The following TECTA variants were observed in gnomAD, a reference collection of about 807,000 sequenced individuals.
The protein encoded by TECTA is alpha-tectorin.
TECTA carries 128 observed loss-of-function variants against 216.8 expected under a neutral mutation model. The ratio of observed to expected loss-of-function variants is 0.59; its 90% CI spans 0.51 to 0.68. The LOEUF is 0.68. Ranked by LOEUF, TECTA falls within the 30% of genes least tolerant of loss-of-function variation. The pLI, the probability that TECTA is intolerant of heterozygous loss-of-function variation, is 0.00. For missense variants in TECTA, 2,551 were observed against 2,786.2 expected (o/e 0.92, Z 1.90); for synonymous variants, 1,089 against 1,117.1 (o/e 0.97, Z 0.50).
chr11:121,172,271 C>T (rs997756197), intron 20 of TECTA, among the ~76,000 whole-genome samples: 15 of 152,010 alleles, frequency 9.9e-5, no homozygotes, highest in Admixed American at 9.8e-4. Context: ...ATGTGCCATG[C>T]TGGTGTGCTG....
intron 6 of TECTA, among the ~76,000 whole-genome samples, chr11:121,116,003 C>A (rs1291841833): frequency 3.3e-5 from 5 of 152,186 alleles, no homozygotes; most frequent in Admixed American, 6.5e-5. Flanking sequence ...TGGTCTGACA[C>A]ACCTGTGCCC....
chr11:121,106,162 C>A (rs1231739506), intron 3 of TECTA, among the ~76,000 whole-genome samples, 198 bp downstream of exon 3: 1 of 152,088 alleles, frequency 6.6e-6, no homozygotes, highest in African/African-American at 2.4e-5. Context: ...GGCTAATGTT[C>A]ATAGTGGAGG....
At position 121,125,770 on chromosome 11, in the gene TECTA, A is replaced by C. The variant is rs1244617357; in HGVS notation, c.1672A>C (p.Arg558=). The change falls in exon 8 of 24, where the codon AGG becomes CGG. Residue 558 remains arginine, a synonymous_variant. Coordinates refer to ENST00000392793, the MANE Select transcript of TECTA (RefSeq NM_005422.4). ...CTGCGTGTATGACCTGTGCAGTGTG[A>C]GGGACAATGGCACGCTCCTCTGCCA... ...HSCVYDLCSV[R]DNGTLLCQAI... The C allele has an allele frequency of 6.2e-7, 1 of 1,614,136 alleles. No homozygotes were observed. Among genetic ancestry groups the C allele is most frequent in the Non-Finnish European group, 8.5e-7 (1 of 1,180,040 alleles).
At position 121,168,128 on chromosome 11, in the gene TECTA, C is replaced by T. The variant is rs1213163445; in HGVS notation, c.5661C>T (p.Thr1887=). 6.2e-7 allele frequency: 1 copy of T among 1,614,058 alleles called. No homozygotes were observed. Among genetic ancestry groups the T allele is most frequent in the East Asian group, 2.2e-5 (1 of 44,902 alleles). ...CCAACAACACTGGCAACATCATCACCAGGGACCGCACGATCAATGTGGAAT... is the reference window on the plus strand; with the variant it reads ...CCAACAACACTGGCAACATCATCACTAGGGACCGCACGATCAATGTGGAAT... ...ESANNTGNII[T]RDRTINVEFS... is the part of the protein sequence containing the mutation. Residue 1887 remains threonine (T), a synonymous_variant, in exon 19 of 24, where the codon ACC becomes ACT. Coordinates refer to ENST00000392793, the MANE Select transcript of TECTA (RefSeq NM_005422.4).
chr11:121,107,968 T>C (rs1946405804), intron 3 of TECTA, among the ~76,000 whole-genome samples: 1 of 152,156 alleles, frequency 6.6e-6, no homozygotes, highest in Admixed American at 6.5e-5. Context: ...GTCTTAACCT[T>C]GTCCTTGCTC....
intron 20 of TECTA, among the ~76,000 whole-genome samples, chr11:121,187,256 C>A (rs529824676): frequency 6.6e-6 from 1 of 151,622 alleles, no homozygotes; most frequent in Admixed American, 6.6e-5. Context: ...TGAGATATGT[C>A]TTGGCTGGGG....
rs140813403 is a variant in TECTA at position 121,174,877 on chromosome 11, C to A, written c.5999+5952C>A. 5.5e-3 allele frequency among the ~76,000 whole-genome samples: 838 copies of A among 152,264 alleles called. 11 individuals are homozygous for A. The highest frequency in any genetic ancestry group is 0.019 in the African/African-American group (799 of 41,552). Reference sequence around the variant, plus strand: ...ATTTCCACAATTTCAGAGCCTGTTACTGATCTGTTCAGAGATCCAACTTCT... The same window carrying A: ...ATTTCCACAATTTCAGAGCCTGTTAATGATCTGTTCAGAGATCCAACTTCT... On this transcript the variant is annotated intron_variant, in intron 20 of 23. Coordinates refer to ENST00000392793, the MANE Select transcript of TECTA (RefSeq NM_005422.4).
Position 121,113,562 on chromosome 11 carries a change from A to C in TECTA, c.634A>C (p.Asn212His), listed in dbSNP as rs1408540005. Residue 212 changes from asparagine (N) to histidine (H), a missense_variant, in exon 6 of 24, where the codon AAT (asparagine) becomes CAT (histidine). Coordinates refer to ENST00000392793, the MANE Select transcript of TECTA (RefSeq NM_005422.4). The surrounding 1 kb of genome is among the most constrained non-coding windows in gnomAD (Gnocchi z 4.2). Reference sequence around the variant, plus strand: ...TCCTTTTGTGCTGCAGGCAGGATTTAATGGTGGAAACCTCACCAATTTCTT... The same window carrying C: ...TCCTTTTGTGCTGCAGGCAGGATTTCATGGTGGAAACCTCACCAATTTCTT... The part of the protein sequence containing the change: ...LGGVMAQAGF[N>H]GGNLTNFFSL... 6.2e-7 allele frequency: 1 copy of C among 1,614,020 alleles called. No homozygotes were observed. Among genetic ancestry groups the C allele is most frequent in the Admixed American group, 1.7e-5 (1 of 60,020 alleles).
At chr11:121,167,771 C>T (rs1003756019) in intron 18 of TECTA, among the ~76,000 whole-genome samples, 1 of 152,138 alleles carries the variant, frequency 6.6e-6, no homozygotes, top group South Asian at 2.1e-4. Flanking sequence ...GCTTGGGGTC[C>T]CACAGATAAG....
chr11:121,156,285 C>G (rs959690258), intron 13 of TECTA, among the ~76,000 whole-genome samples: 2 of 152,176 alleles, frequency 1.3e-5, no homozygotes, highest in Non-Finnish European at 2.9e-5. Flanking sequence ...AGCGGTCCTC[C>G]CACCTCAGCC....
chr11:121,172,925 T>G, intron 20 of TECTA, among the ~76,000 whole-genome samples: 1 of 149,692 alleles, frequency 6.7e-6, no homozygotes, highest in Non-Finnish European at 1.5e-5. Flanking sequence ...TGATTTGCAT[T>G]TCTCTGATGG....
intron 20 of TECTA, among the ~76,000 whole-genome samples, chr11:121,177,275 T>C (rs1284846519): frequency 2.0e-5 from 3 of 152,224 alleles, no homozygotes; most frequent in Non-Finnish European, 2.9e-5. Flanking sequence ...TTCCAGTTTT[T>C]CTGCTCTGTT....
intron 20 of TECTA, among the ~76,000 whole-genome samples, chr11:121,176,217 TG>T (rs1170347687): frequency 5.3e-5 from 8 of 151,620 alleles, no homozygotes; most frequent in Non-Finnish European, 1.2e-4. Flanking sequence ...TGTGTGAATT[TG>T]ATCCTGTCAT....
chr11:121,153,161 C>A (rs1397719984), intron 13 of TECTA, 81 bp downstream of exon 13: 12 of 1,496,208 alleles, frequency 8.0e-6, no homozygotes, highest in East Asian at 2.4e-5. Context: ...TCAGATTGAC[C>A]AATTTTCCCA....
At position 121,113,155 on chromosome 11, in the gene TECTA, G is replaced by A. The variant is rs761536132; in HGVS notation, c.570G>A (p.Thr190=). The A allele has an allele frequency of 3.0e-5, 49 of 1,613,892 alleles. No individual in the cohort carries two copies. The highest frequency in any genetic ancestry group is 3.8e-5 in the Non-Finnish European group (45 of 1,180,014). The part of the protein sequence containing the change: ...LFNYYEINWT[T]GTASGGDPLT... Reference sequence around the variant, plus strand: ...ATTATTACGAAATCAACTGGACCACGGGGACGGCGAGTGGCGGCGACCCCC... The same window carrying A: ...ATTATTACGAAATCAACTGGACCACAGGGACGGCGAGTGGCGGCGACCCCC... The change falls in exon 5 of 24, where the codon ACG becomes ACA. Residue 190 remains threonine (T), a synonymous_variant. Transcript: ENST00000392793. This position sits in a 1 kb window ranked among gnomAD's most constrained non-coding sequence, Gnocchi z 4.2.
At chr11:121,145,276 C>T (rs920492758) in intron 11 of TECTA, among the ~76,000 whole-genome samples, 1 of 152,106 alleles carries the variant, frequency 6.6e-6, no homozygotes, top group Non-Finnish European at 1.5e-5. Flanking sequence ...TTTACATTAC[C>T]TTGGAGAAAA....
chr11:121,180,566 A>G (rs1035675836), intron 20 of TECTA, among the ~76,000 whole-genome samples: 3 of 151,962 alleles, frequency 2.0e-5, no homozygotes, highest in Admixed American at 2.0e-4. Context: ...GGCTTTTGTC[A>G]CTTTGAGTGT....
In TECTA at chr11:121,127,872, A is replaced by G. The variant is rs759323476; in HGVS notation, c.1895A>G (p.Glu632Gly). 1.9e-6 allele frequency: 3 copies of G among 1,614,068 alleles called. No homozygotes were observed. The South Asian group carries it at 3.3e-5, about 18-fold the overall frequency. The change falls in exon 9 of 24, where the codon GAG (glutamate) becomes GGG (glycine). Residue 632 changes from glutamate (E) to glycine (G), a missense_variant. Glu to Gly is a moderately conservative substitution (Grantham distance 98). Coordinates refer to ENST00000392793, the MANE Select transcript of TECTA (RefSeq NM_005422.4). The surrounding 1 kb of genome is among the most constrained non-coding windows in gnomAD (Gnocchi z 5.0). ...NCATPCTEGC[E>G]CNQGFVLSTS... Reference sequence around the variant, plus strand: ...GCCACGCCGTGCACAGAGGGCTGCGAGTGCAACCAGGGCTTCGTCCTCAGC... The same window carrying G: ...GCCACGCCGTGCACAGAGGGCTGCGGGTGCAACCAGGGCTTCGTCCTCAGC...
chr11:121,107,474 A>G (rs1330855679), intron 3 of TECTA, among the ~76,000 whole-genome samples: 1 of 152,212 alleles, frequency 6.6e-6, no homozygotes, highest in African/African-American at 2.4e-5. Flanking sequence ...CCTTGCTTCC[A>G]AACACGTAGA....
Sources: gnomAD v4.1 joint callset for allele counts (sites outside exome capture counted in the v4.1 genomes callset) on GRCh38, gnomAD v4.1.1 for gene constraint, Gnocchi (gnomAD v3.1) non-coding constraint, MANE v1.5 for transcripts, NCBI Gene and HGNC (gene_info 2026-07-23, HGNC 2026-07-21) for gene names.